DDX60L: variants seen among roughly 807,000 people sequenced by gnomAD.
The protein encoded by DDX60L is probable ATP-dependent RNA helicase DDX60-like.
In DDX60L, 191 loss-of-function variants were observed where a neutral mutation model predicts 211.6. The observed-to-expected ratio is 0.90, with a 90% CI of 0.80 to 1.02. The LOEUF is 1.02. DDX60L is among the 50% of genes least tolerant of loss of function. The pLI, the probability that DDX60L is intolerant of heterozygous loss-of-function variation, is 0.00. For missense variants in DDX60L, 2,007 were observed against 1,984.1 expected, an observed-to-expected ratio of 1.01 and a Z score of -0.22; for synonymous variants, 706 against 694.1, an observed-to-expected ratio of 1.02 and a Z score of -0.27.
intron 10 of DDX60L, among the ~76,000 whole-genome samples, chr4:168,434,978 T>C (rs920300754): frequency 3.9e-5 from 6 of 152,174 alleles, no homozygotes; most frequent in Non-Finnish European, 7.4e-5. Context: ...CCTACTGCTA[T>C]TTATCAGGGT....
At chr4:168,479,675 G>A (rs1042298781) in intron 1 of DDX60L, among the ~76,000 whole-genome samples, 5 of 152,110 alleles carry the variant, frequency 3.3e-5, no homozygotes, top group African/African-American at 1.2e-4. Flanking sequence ...CCGCTATTAA[G>A]AGCTTAAATC....
At chr4:168,390,284 C>A in intron 29 of DDX60L, 1 of 1,109,096 alleles carries the variant, frequency 9.0e-7, no homozygotes, top group Non-Finnish European at 1.1e-6. Context: ...AACAAAAGTC[C>A]CTTAAGAGAA....
chr4:168,362,106 C>A (rs1739218014), intron 36 of DDX60L, among the ~76,000 whole-genome samples: 1 of 152,256 alleles, frequency 6.6e-6, no homozygotes, highest in Admixed American at 6.5e-5. Context: ...GCCAGAAAAA[C>A]CACCATGCCT....
intron 26 of DDX60L, among the ~76,000 whole-genome samples, chr4:168,396,740 G>A (rs975930741): frequency 2.0e-5 from 3 of 150,036 alleles, no homozygotes; most frequent in East Asian, 2.0e-4. Flanking sequence ...CTGGAGCTCC[G>A]ACATCTCTCT....
chr4:168,427,819 G>A (rs1208816246), intron 13 of DDX60L, among the ~76,000 whole-genome samples: 1 of 152,204 alleles, frequency 6.6e-6, no homozygotes, highest in Admixed American at 6.5e-5. Context: ...AAATGGAGGA[G>A]TCACACACAC....
intron 13 of DDX60L, among the ~76,000 whole-genome samples, chr4:168,429,077 A>G (rs1751917991): frequency 6.6e-6 from 1 of 152,220 alleles, no homozygotes; most frequent in African/African-American, 2.4e-5. Flanking sequence ...AGCTGATGGA[A>G]ATGTTAGGCC....
intron 12 of DDX60L, among the ~76,000 whole-genome samples, chr4:168,432,086 T>G (rs1000094871): frequency 2.0e-5 from 3 of 152,154 alleles, no homozygotes; most frequent in Non-Finnish European, 4.4e-5. Flanking sequence ...GACAATACCA[T>G]GCATATGTAC....
chr4:168,393,017 A>C (rs2149730907), intron 28 of DDX60L, among the ~76,000 whole-genome samples: 1 of 152,332 alleles, frequency 6.6e-6, no homozygotes, highest in Middle Eastern at 3.4e-3. Context: ...GATGAACAAA[A>C]TTGGAGTGAC....
At chr4:168,423,867 T>TGTGATTAAACCTCAC in intron 14 of DDX60L, 93 bp from the exon 15 acceptor site, 1 of 790,092 alleles carries the variant, frequency 1.3e-6, no homozygotes, top group East Asian at 3.0e-5. Flanking sequence ...ATTAACCTCA[T>TGTGATTAAACCTCAC]GTGATTAAAC....
At chr4:168,423,885 T>G (rs1751050559) in intron 14 of DDX60L, 111 bp from the exon 15 acceptor site, 1 of 638,998 alleles carries the variant, frequency 1.6e-6, no homozygotes, top group Non-Finnish European at 2.5e-6. Flanking sequence ...AACCTCACTA[T>G]TTTACTTGAC....
intron 13 of DDX60L, 76 bp from the exon 14 acceptor site, chr4:168,427,398 T>C: frequency 6.7e-7 from 1 of 1,496,786 alleles, no homozygotes; most frequent in Non-Finnish European, 9.0e-7. Context: ...AGATTATTTT[T>C]TGTGCACTTA....
rs551835603 is a variant in DDX60L at position 168,382,327 on chromosome 4, A to G, written c.4116+2285T>C. Among the ~76,000 whole-genome samples, 21 of 152,304 alleles carry G rather than the reference A, an allele frequency of 1.4e-4. No individual in the cohort carries two copies. In the South Asian group the frequency reaches 3.9e-3, roughly 29 times the overall value. Reference sequence around the variant, plus strand: ...AGGTAGAAAAGACTGGAAGAAATATACCAAAATAATAAAGCAGTTTCCTTT... The same window carrying G: ...AGGTAGAAAAGACTGGAAGAAATATGCCAAAATAATAAAGCAGTTTCCTTT... On this transcript the variant is annotated intron_variant, in intron 30 of 37. Transcript: ENST00000682922.
intron 1 of DDX60L, among the ~76,000 whole-genome samples, chr4:168,476,310 G>A (rs1759479499): frequency 6.6e-6 from 1 of 152,024 alleles, no homozygotes; most frequent in Admixed American, 6.6e-5. Flanking sequence ...AAGAAGAAAT[G>A]AGGAATTTAT....
chr4:168,378,137 A>C (rs929466527), intron 33 of DDX60L, among the ~76,000 whole-genome samples: 12 of 152,206 alleles, frequency 7.9e-5, no homozygotes, highest in African/African-American at 2.9e-4. Flanking sequence ...TGCTCCAATA[A>C]AGTGAAAAAA....
At chr4:168,479,417 G>A (rs1760083981) in intron 1 of DDX60L, among the ~76,000 whole-genome samples, 1 of 152,144 alleles carries the variant, frequency 6.6e-6, no homozygotes, top group Non-Finnish European at 1.5e-5. Context: ...GTATGTCGTT[G>A]ATGTTATGGT....
chr4:168,390,383 A>G, intron 29 of DDX60L: 7 of 1,202,744 alleles, frequency 5.8e-6, no homozygotes, highest in Non-Finnish European at 7.2e-6. Flanking sequence ...GTAAAAGGTG[A>G]TATGGTCTAT....
intron 7 of DDX60L, among the ~76,000 whole-genome samples, chr4:168,453,534 C>T (rs1183899462): frequency 6.6e-6 from 1 of 152,138 alleles, no homozygotes; most frequent in Non-Finnish European, 1.5e-5. Flanking sequence ...GAGTTGGCAG[C>T]AAAGGAAGTC....
chr4:168,373,054 C>T (rs937743284), intron 35 of DDX60L, among the ~76,000 whole-genome samples: 6 of 152,182 alleles, frequency 3.9e-5, no homozygotes, highest in South Asian at 2.1e-4. Flanking sequence ...AGAAGATTCA[C>T]GATTTTTTAA....
chr4:168,463,601 A>C (rs892006951), intron 4 of DDX60L, among the ~76,000 whole-genome samples: 10 of 152,144 alleles, frequency 6.6e-5, no homozygotes, highest in African/African-American at 2.4e-4. Context: ...GTTAAAAAAA[A>C]ATCTGTTTTT....
Sources: allele counts gnomAD v4.1 joint callset (sites outside exome capture counted in the v4.1 genomes callset), GRCh38; gene constraint gnomAD v4.1.1; transcripts MANE v1.5; gene names NCBI Gene and HGNC (gene_info 2026-07-23, HGNC 2026-07-21).